RBPJ: variants seen among roughly 807,000 people sequenced by gnomAD.
RBPJ encodes recombination signal binding protein for immunoglobulin kappa J region.
A neutral mutation model predicts 67.8 loss-of-function variants in RBPJ; 9 were observed. That is an observed-to-expected ratio of 0.13 (90% confidence interval 0.08 to 0.23). RBPJ has a LOEUF of 0.23. RBPJ is among the 10% of genes least tolerant of loss of function. The pLI is 1.00. For missense variants in RBPJ, 305 were observed against 595.6 expected (o/e 0.51, Z 5.08); for synonymous variants, 198 against 203.3 (o/e 0.97, Z 0.22).
intron 1 of RBPJ, among the ~76,000 whole-genome samples, chr4:26,166,759 C>G (rs1406847444): frequency 1.3e-5 from 2 of 151,998 alleles, no homozygotes; most frequent in East Asian, 1.9e-4. Flanking sequence ...CGTTGCCATT[C>G]CTTTTGGTGT....
chr4:26,229,173 C>A (rs985887392), intron 1 of RBPJ, among the ~76,000 whole-genome samples: 2 of 152,186 alleles, frequency 1.3e-5, no homozygotes, highest in Non-Finnish European at 2.9e-5. Context: ...TAAACACATT[C>A]CTCTCTTCTT....
At chr4:26,371,485 A>G (rs1729156547) in intron 1 of RBPJ, among the ~76,000 whole-genome samples, 2 of 152,066 alleles carry the variant, frequency 1.3e-5, no homozygotes, top group Non-Finnish European at 2.9e-5. Context: ...GTTATAGCCT[A>G]AAATATTGAG....
intron 1 of RBPJ, among the ~76,000 whole-genome samples, chr4:26,260,139 C>T (rs533081465): frequency 6.6e-6 from 1 of 152,250 alleles, no homozygotes; most frequent in South Asian, 2.1e-4. Context: ...TCATAATATA[C>T]ATTTTCATAG....
chr4:26,356,794 T>C (rs768293893), intron 1 of RBPJ, among the ~76,000 whole-genome samples: 1 of 152,236 alleles, frequency 6.6e-6, no homozygotes, highest in Non-Finnish European at 1.5e-5. Flanking sequence ...TTGAGTATTT[T>C]TGTAGGACCA....
At chr4:26,220,184 T>A (rs1718856090) in intron 1 of RBPJ, among the ~76,000 whole-genome samples, 1 of 152,204 alleles carries the variant, frequency 6.6e-6, no homozygotes, top group Non-Finnish European at 1.5e-5. Flanking sequence ...ACTACTATAA[T>A]AGGCAGGGCT....
At chr4:26,254,509 C>A (rs1433386963) in intron 1 of RBPJ, among the ~76,000 whole-genome samples, 2 of 148,730 alleles carry the variant, frequency 1.3e-5, no homozygotes, top group Non-Finnish European at 2.9e-5. Flanking sequence ...GCTAACTTCT[C>A]AGAGAAGCCT....
rs142576379 is a variant in RBPJ, at chr4:26,164,863, A to G, written c.-167+1249A>G. On this transcript the variant is annotated intron_variant, in intron 1 of 4. Transcript: ENST00000512351. ...TTCCAGAAGGTGTGGGGTTTTGTAG[A>G]CCACCAGAAGTCTAGAGGCCAGAAA... 2.0e-5 allele frequency among the ~76,000 whole-genome samples: 3 copies of G among 152,306 alleles called. No homozygotes were observed. The East Asian group carries it at 5.8e-4, about 29-fold the overall frequency.
At chr4:26,142,631 A>T in the RBPJ span, among the ~76,000 whole-genome samples, 1 of 152,232 alleles carries the variant, frequency 6.6e-6, no homozygotes, top group Non-Finnish European at 1.5e-5. Flanking sequence ...AGATGCTCAG[A>T]TGTCACCTAA....
At chr4:26,247,796 T>G (rs989347586) in intron 1 of RBPJ, among the ~76,000 whole-genome samples, 1 of 152,226 alleles carries the variant, frequency 6.6e-6, no homozygotes, top group Non-Finnish European at 1.5e-5. Flanking sequence ...ACTGATATTT[T>G]AAAATATTTA....
rs144363169 is a variant in RBPJ at position 26,243,886 on chromosome 4, G to C, written c.-167+80272G>C. On this transcript the variant is annotated intron_variant, in intron 1 of 4. Coordinates refer to the RBPJ transcript ENST00000512351. ...AGTGTGGGTGGGTTGCTTGAATCCA[G>C]GAGTTCAAGACCAGCCTGGGTGACA... is the stretch of plus-strand genomic sequence containing the variant. 5.0e-3 allele frequency among the ~76,000 whole-genome samples: 764 copies of C among 152,160 alleles called. 10 individuals are homozygous for C. The highest frequency in any genetic ancestry group is 0.018 in the African/African-American group (740 of 41,494).
intron 1 of RBPJ, among the ~76,000 whole-genome samples, chr4:26,214,201 G>A (rs1718534578): frequency 6.7e-6 from 1 of 148,502 alleles, no homozygotes; most frequent in Non-Finnish European, 1.5e-5. Flanking sequence ...GAAAAGGAAG[G>A]AAGGAGAGAA....
chr4:26,109,708 C>CCT, the RBPJ span, among the ~76,000 whole-genome samples: 524 of 49,398 alleles, frequency 0.011, 45 homozygotes, highest in Admixed American at 0.035. Context: ...TGTCCACCTT[C>CCT]CTCTCTCTCT....
chr4:26,123,983 A>C, the RBPJ span, among the ~76,000 whole-genome samples: 1 of 152,226 alleles, frequency 6.6e-6, no homozygotes, highest in Non-Finnish European at 1.5e-5. Flanking sequence ...AAAGTATAGT[A>C]AATACATGAA....
intron 1 of RBPJ, among the ~76,000 whole-genome samples, chr4:26,190,371 A>AGGGGGAAAGG (rs1717436235): frequency 6.6e-6 from 1 of 152,194 alleles, no homozygotes; most frequent in African/African-American, 2.4e-5. Context: ...CAGGTCCTAG[A>AGGGGGAAAGG]CAGATTTATG....
chr4:26,396,349 G>A (rs1258396526), intron 2 of RBPJ, among the ~76,000 whole-genome samples: 1 of 152,212 alleles, frequency 6.6e-6, no homozygotes, highest in Non-Finnish European at 1.5e-5. Flanking sequence ...AGGGCATCTT[G>A]AGGGAATAAG....
At chr4:26,121,868 T>C in the RBPJ span, among the ~76,000 whole-genome samples, 1 of 104,432 alleles carries the variant, frequency 9.6e-6, no homozygotes. Context: ...GGAGTGAGTA[T>C]CTCTCTTTTT....
At chr4:26,367,144 T>C (rs1728720017) in intron 1 of RBPJ, among the ~76,000 whole-genome samples, 1 of 150,770 alleles carries the variant, frequency 6.6e-6, no homozygotes, top group Non-Finnish European at 1.5e-5. Flanking sequence ...AATTAATTAA[T>C]AAAATAAAAA....
chr4:26,236,281 T>G (rs1444749578), intron 1 of RBPJ, among the ~76,000 whole-genome samples: 2 of 152,214 alleles, frequency 1.3e-5, no homozygotes, highest in Non-Finnish European at 2.9e-5. Context: ...TGTCCTCATC[T>G]GAAAAATGGG....
intron 1 of RBPJ, among the ~76,000 whole-genome samples, chr4:26,303,493 A>G (rs1263734168): frequency 6.6e-6 from 1 of 150,872 alleles, no homozygotes; most frequent in East Asian, 1.9e-4. Context: ...ATAATCTTGA[A>G]CTTACTATGA....
Sources: allele counts gnomAD v4.1 joint callset (sites outside exome capture counted in the v4.1 genomes callset), GRCh38; gene constraint gnomAD v4.1.1; transcripts MANE v1.5; gene names NCBI Gene and HGNC (gene_info 2026-07-23, HGNC 2026-07-21).